Variants in CREBBP observed in about 807,000 individuals in gnomAD.
CREBBP encodes the protein CREB-binding protein.
In CREBBP, 19 loss-of-function variants were observed where a neutral mutation model predicts 265.0. The ratio of observed to expected loss-of-function variants is 0.07; its 90% CI spans 0.05 to 0.11. The LOEUF (loss-of-function observed/expected upper bound fraction) is 0.11. CREBBP is among the 10% of genes least tolerant of loss of function. The pLI, the probability that CREBBP is intolerant of heterozygous loss-of-function variation, is 1.00. For synonymous variants in CREBBP, 1,457 were observed against 1,223.7 expected, an observed-to-expected ratio of 1.19 and a Z score of -3.98; for missense variants, 2,525 against 3,219.0, an observed-to-expected ratio of 0.78 and a Z score of 5.22.
chr16:3,866,040 G>C (rs1170074578), intron 1 of CREBBP, among the ~76,000 whole-genome samples: 2 of 151,836 alleles, frequency 1.3e-5, no homozygotes, highest in East Asian at 3.8e-4. Flanking sequence ...CAGTGCTCCA[G>C]TTTCCAGTTA....
At chr16:3,857,622 G>C (rs1037415844) in intron 1 of CREBBP, among the ~76,000 whole-genome samples, 3 of 152,190 alleles carry the variant, frequency 2.0e-5, no homozygotes, top group African/African-American at 7.2e-5. Flanking sequence ...CAGCGATCCA[G>C]TCCCAGGTAA....
chr16:3,864,189 C>T (rs551465199), intron 1 of CREBBP, among the ~76,000 whole-genome samples: 5 of 152,288 alleles, frequency 3.3e-5, no homozygotes, highest in South Asian at 4.1e-4. Context: ...GCCCCAAATG[C>T]TGTGAGATGT....
At chr16:3,855,252 G>C (rs973173261) in intron 1 of CREBBP, among the ~76,000 whole-genome samples, 1 of 152,130 alleles carries the variant, frequency 6.6e-6, no homozygotes, top group Non-Finnish European at 1.5e-5. Context: ...TTTGTCTTTC[G>C]TAAGTGACAT....
intron 16 of CREBBP, among the ~76,000 whole-genome samples, chr16:3,766,782 C>T (rs374391431): frequency 3.3e-5 from 5 of 152,306 alleles, no homozygotes; most frequent in East Asian, 1.9e-4. Context: ...CCATCTCAGC[C>T]TCCCAAAGTG....
chr16:3,733,233 G>A (rs1162017571), intron 28 of CREBBP, among the ~76,000 whole-genome samples: 1 of 151,854 alleles, frequency 6.6e-6, no homozygotes, highest in Non-Finnish European at 1.5e-5. Context: ...GTGGTGGCGG[G>A]TGCCTGCAGT....
At chr16:3,833,605 TACA>T (rs2054385672) in intron 2 of CREBBP, among the ~76,000 whole-genome samples, 1 of 152,186 alleles carries the variant, frequency 6.6e-6, no homozygotes, top group Non-Finnish European at 1.5e-5. Flanking sequence ...GGTTACAAGA[TACA>T]ACATTAATAC....
chr16:3,797,916 C>T (rs997978232), intron 3 of CREBBP, among the ~76,000 whole-genome samples: 2 of 152,114 alleles, frequency 1.3e-5, no homozygotes, highest in Admixed American at 6.5e-5. Context: ...TGAAAAACTG[C>T]GAGCAAATTG....
At chr16:3,842,877 A>C (rs1342264977) in intron 2 of CREBBP, among the ~76,000 whole-genome samples, 1 of 151,016 alleles carries the variant, frequency 6.6e-6, no homozygotes, top group East Asian at 1.9e-4. Context: ...GAGGCAGGAG[A>C]ATCGCTTGAA....
chr16:3,760,391 G>GTTTTTTT (rs35861892), intron 16 of CREBBP, among the ~76,000 whole-genome samples: 2 of 75,912 alleles, frequency 2.6e-5, no homozygotes, highest in African/African-American at 5.0e-5. Context: ...TCATGCCCAG[G>GTTTTTTT]TTTTTTTTTT....
rs117910358 is a variant in CREBBP at position 3,773,854 on chromosome 16, G to C, written c.2360C>G (p.Ala787Gly). 6.2e-7 allele frequency: 1 copy of C among 1,612,358 alleles called. No individual in the cohort carries two copies. Among genetic ancestry groups the C allele is most frequent in the East Asian group, 2.2e-5 (1 of 44,890 alleles). Residue 787 changes from alanine to glycine, a missense_variant, in exon 13 of 31, where the codon GCG (alanine) becomes GGG (glycine). Around this residue, in one of 19 missense-constraint regions of CREBBP, gnomAD observed 548 missense variants for 533.0 expected, o/e 1.03. Transcript: ENST00000262367. Reference sequence around the variant, plus strand: ...TGGCAGAAACTGGCTCTGAGCGGGCGCCTGGGCCATCATGTTGTTGGTGTG... The same window carrying C: ...TGGCAGAAACTGGCTCTGAGCGGGCCCCTGGGCCATCATGTTGTTGGTGTG... Reference protein sequence around the residue: ...GAHTNNMMAQAPAQSQFLPQN... With the variant: ...GAHTNNMMAQGPAQSQFLPQN...
chr16:3,873,279 C>T (rs1034189566), intron 1 of CREBBP, among the ~76,000 whole-genome samples: 3 of 152,156 alleles, frequency 2.0e-5, no homozygotes. Flanking sequence ...AAAAATAATT[C>T]AGAACACACA....
At chr16:3,865,115 T>G (rs1288249719) in intron 1 of CREBBP, among the ~76,000 whole-genome samples, 1 of 152,218 alleles carries the variant, frequency 6.6e-6, no homozygotes, top group Non-Finnish European at 1.5e-5. Context: ...AGAATATATG[T>G]GCTGCCTTTC....
chr16:3,877,394 C>G (rs2055424768), intron 1 of CREBBP, among the ~76,000 whole-genome samples: 3 of 152,190 alleles, frequency 2.0e-5, no homozygotes, highest in Admixed American at 2.0e-4. Context: ...GCAGTTACAA[C>G]AGACAAAGTG....
intron 2 of CREBBP, among the ~76,000 whole-genome samples, chr16:3,846,135 T>C (rs1262968062): frequency 6.6e-6 from 1 of 152,170 alleles, no homozygotes; most frequent in Non-Finnish European, 1.5e-5. Flanking sequence ...AAAACATGTT[T>C]TAAGAGACTT....
chr16:3,769,450 T>G, intron 14 of CREBBP, 97 bp from the exon 15 acceptor site: 3 of 1,428,578 alleles, frequency 2.1e-6, no homozygotes, highest in South Asian at 2.3e-5. Flanking sequence ...CCATTAACAT[T>G]TCTCAATACT....
chr16:3,750,705 A>G (rs182871237), intron 20 of CREBBP, among the ~76,000 whole-genome samples: 72 of 152,322 alleles, frequency 4.7e-4, no homozygotes, highest in Non-Finnish European at 4.7e-4. Flanking sequence ...TCCACTTTGG[A>G]GCTGGTAAAC....
In CREBBP at chr16:3,850,955, T is replaced by C. The variant is rs536856848; in HGVS notation, c.140A>G (p.Asn47Ser). The C allele has an allele frequency of 2.0e-5, 33 of 1,614,054 alleles. No homozygotes were observed. The highest frequency in any genetic ancestry group is 2.5e-5 in the Non-Finnish European group (29 of 1,180,032). The part of the protein sequence containing the change: ...ENDLPDELIP[N>S]GGELGLLNSG... ...GTTTAAAAGGCCTAATTCTCCTCCA[T>C]TGGGTATCAGCTCATCAGGAAGATC... Residue 47 changes from asparagine to serine, a missense_variant, in exon 2 of 31, where the codon AAT (asparagine) becomes AGT (serine). Coordinates refer to ENST00000262367, the MANE Select transcript of CREBBP (RefSeq NM_004380.3).
At chr16:3,801,816 G>A (rs1596965977) in intron 3 of CREBBP, among the ~76,000 whole-genome samples, 1 of 152,158 alleles carries the variant, frequency 6.6e-6, no homozygotes, top group African/African-American at 2.4e-5. Flanking sequence ...TTTCTGGAGC[G>A]AGGATCATTT....
rs1173768863 is a variant in CREBBP, at chr16:3,770,991, C to T, written c.2464-5G>A. The stretch of plus-strand genomic sequence containing the variant: ...AGCAGCACCAGGCACCTGTCCCTAC[C>T]AGAAATGGACAGAGTATGGTAAAAT... On this transcript the variant is annotated splice_polypyrimidine_tract_variant and splice_region_variant and intron_variant, in intron 13 of 30. Transcript: ENST00000262367. 6.2e-7 allele frequency: 1 copy of T among 1,612,726 alleles called. No homozygotes were observed. The highest frequency in any genetic ancestry group is 1.3e-5 in the African/African-American group (1 of 74,752).
Sources: allele counts gnomAD v4.1 joint callset (sites outside exome capture counted in the v4.1 genomes callset), GRCh38; gene constraint gnomAD v4.1.1; regional missense constraint gnomAD v4.1.1; transcripts MANE v1.5; gene names NCBI Gene and HGNC (gene_info 2026-07-23, HGNC 2026-07-21).